Variants in LUZP2 observed in about 807,000 individuals in gnomAD.
The protein encoded by LUZP2 is leucine zipper protein 2.
LUZP2 carries 52 observed loss-of-function variants against 51.6 expected under a neutral mutation model. The observed-to-expected ratio is 1.01, with a 90% confidence interval of 0.81 to 1.27. LUZP2 has a LOEUF of 1.27. Ranked by LOEUF, LUZP2 falls within the 50% of genes most tolerant of loss-of-function variation. The pLI is 0.00. For synonymous variants in LUZP2, 154 were observed against 137.3 expected (o/e 1.12, Z -0.85); for missense variants, 436 against 395.4 (o/e 1.10, Z -0.87).
At chr11:25,034,993 G>A (rs11028370) in intron 9 of LUZP2, among the ~76,000 whole-genome samples, 15,085 of 151,954 alleles carry the variant, frequency 0.099, 1,833 homozygotes, top group African/African-American at 0.29. Flanking sequence ...ACATTCTTTT[G>A]TCATAAAAAC....
chr11:24,712,446 C>G (rs750879564), intron 1 of LUZP2, among the ~76,000 whole-genome samples: 1 of 152,078 alleles, frequency 6.6e-6, no homozygotes, highest in Non-Finnish European at 1.5e-5. Flanking sequence ...CCCAACACAT[C>G]ATCATCAAGT....
At chr11:24,752,822 G>A (rs544680012) in intron 4 of LUZP2, among the ~76,000 whole-genome samples, 3 of 151,970 alleles carry the variant, frequency 2.0e-5, no homozygotes, top group Admixed American at 2.0e-4. Flanking sequence ...TAGAAATCAT[G>A]AGAAATTAAA....
intron 3 of LUZP2, among the ~76,000 whole-genome samples, chr11:24,736,474 TCC>T (rs1234073758): frequency 1.5e-3 from 2 of 1,376 alleles, no homozygotes; most frequent in Non-Finnish European, 0.021. Context: ...TGTAGGTCCT[TCC>T]TTCCTTCCTT....
At chr11:24,610,095 C>A (rs1442090882) in intron 1 of LUZP2, among the ~76,000 whole-genome samples, 1 of 152,182 alleles carries the variant, frequency 6.6e-6, no homozygotes, top group Non-Finnish European at 1.5e-5. Flanking sequence ...CTTGCCATTC[C>A]AACGTAACTG....
intron 10 of LUZP2, among the ~76,000 whole-genome samples, chr11:25,054,694 C>A (rs373857713): frequency 6.6e-6 from 1 of 151,580 alleles, no homozygotes; most frequent in Non-Finnish European, 1.5e-5. Context: ...ATGCTAATAC[C>A]GTATTTTCTT....
intron 5 of LUZP2, among the ~76,000 whole-genome samples, chr11:24,812,458 C>T (rs1337224941): frequency 6.6e-6 from 1 of 152,146 alleles, no homozygotes; most frequent in Non-Finnish European, 1.5e-5. Context: ...TAACAATTTG[C>T]CAGTTGCTGT....
At chr11:24,635,761 T>A (rs748638031) in intron 1 of LUZP2, among the ~76,000 whole-genome samples, 1 of 152,104 alleles carries the variant, frequency 6.6e-6, no homozygotes, top group Non-Finnish European at 1.5e-5. Flanking sequence ...CGCAGAGTGC[T>A]GGGGAGAACA....
At chr11:25,058,423 T>C (rs772590172) in intron 10 of LUZP2, among the ~76,000 whole-genome samples, 3 of 152,160 alleles carry the variant, frequency 2.0e-5, no homozygotes, top group African/African-American at 7.2e-5. Context: ...ATAAAAATCA[T>C]TGGCCAAACA....
intron 5 of LUZP2, among the ~76,000 whole-genome samples, chr11:24,878,172 A>G (rs936357946): frequency 2.1e-5 from 3 of 143,960 alleles, no homozygotes; most frequent in Non-Finnish European, 3.0e-5. Context: ...ATTGTACATT[A>G]ATGCCCTTTT....
chr11:24,872,345 T>G (rs1852106074), intron 5 of LUZP2, among the ~76,000 whole-genome samples: 4 of 152,158 alleles, frequency 2.6e-5, no homozygotes, highest in Admixed American at 2.6e-4. Context: ...CTTATATCCA[T>G]CTGGAATGAT....
At chr11:25,051,578 G>A (rs966707190) in intron 10 of LUZP2, among the ~76,000 whole-genome samples, 5 of 152,154 alleles carry the variant, frequency 3.3e-5, no homozygotes, top group African/African-American at 4.8e-5. Context: ...CAGCAGTATG[G>A]CTAAAAAACA....
intron 9 of LUZP2, among the ~76,000 whole-genome samples, chr11:25,042,739 G>C (rs1004275731): frequency 2.6e-5 from 4 of 152,110 alleles, no homozygotes; most frequent in Admixed American, 2.6e-4. Flanking sequence ...ACCTGGGCTT[G>C]TGGCTGTCTA....
chr11:24,679,673 G>A (rs1856672145), intron 1 of LUZP2, among the ~76,000 whole-genome samples: 1 of 152,092 alleles, frequency 6.6e-6, no homozygotes, highest in Admixed American at 6.5e-5. Flanking sequence ...ACAATAGTTA[G>A]AATTTGTCCC....
chr11:24,794,407 T>A (rs575443075), intron 5 of LUZP2, among the ~76,000 whole-genome samples: 80 of 152,248 alleles, frequency 5.3e-4, no homozygotes, highest in African/African-American at 1.7e-3. Context: ...TTACTCCTAA[T>A]CCTGATGGTG....
chr11:24,868,141 A>T (rs1486715), intron 5 of LUZP2, among the ~76,000 whole-genome samples: 1 of 152,216 alleles, frequency 6.6e-6, no homozygotes, highest in East Asian at 1.9e-4. Context: ...AATATGGCTT[A>T]TTGATGTAAA....
chr11:24,854,312 C>A (rs1851485239), intron 5 of LUZP2, among the ~76,000 whole-genome samples: 2 of 152,216 alleles, frequency 1.3e-5, no homozygotes, highest in Admixed American at 6.5e-5. Context: ...TTCAGTGATG[C>A]CCTGGCCCAG....
intron 9 of LUZP2, among the ~76,000 whole-genome samples, chr11:25,011,961 G>T (rs1856996072): frequency 6.6e-6 from 1 of 151,992 alleles, no homozygotes; most frequent in South Asian, 2.1e-4. Flanking sequence ...AATGGAGATG[G>T]TTAATAACAG....
chr11:24,829,639 A>C (rs1850641409), intron 5 of LUZP2, among the ~76,000 whole-genome samples: 1 of 152,218 alleles, frequency 6.6e-6, no homozygotes, highest in African/African-American at 2.4e-5. Context: ...GGGTGTTGGA[A>C]TAAATGGGTA....
intron 4 of LUZP2, among the ~76,000 whole-genome samples, chr11:24,749,057 T>C (rs1006893253): frequency 4.6e-5 from 7 of 152,208 alleles, no homozygotes; most frequent in African/African-American, 1.7e-4. Flanking sequence ...CTCACTCCTT[T>C]CTTGACGTTA....
Sources: allele counts gnomAD v4.1 joint callset (sites outside exome capture counted in the v4.1 genomes callset), GRCh38; gene constraint gnomAD v4.1.1; transcripts MANE v1.5; gene names NCBI Gene and HGNC (gene_info 2026-07-23, HGNC 2026-07-21).